NEBL: variants seen among roughly 807,000 people sequenced by gnomAD.
NEBL encodes nebulette.
Under a neutral mutation model 140.2 loss-of-function variants are expected in NEBL, and 122 were observed. The ratio of observed to expected loss-of-function variants is 0.87; its 90% CI spans 0.75 to 1.01. The LOEUF is 1.01. Among genes scored for constraint, NEBL ranks in the 50% least tolerant of loss-of-function variants. The pLI is 0.00. For synonymous variants in NEBL, 436 were observed against 398.9 expected, an observed-to-expected ratio of 1.09 and a Z score of -1.11; for missense variants, 1,365 against 1,231.3, an observed-to-expected ratio of 1.11 and a Z score of -1.62.
rs887668977 is a variant in NEBL, at chr10:20,954,879, A to G, written c.357+6793T>C. Among the ~76,000 whole-genome samples, 3 of 152,212 alleles carry G rather than the reference A, an allele frequency of 2.0e-5. No homozygotes were observed. In the East Asian group the frequency reaches 5.8e-4, roughly 29 times the overall value. On this transcript the variant is annotated intron_variant, in intron 4 of 6. Transcript: ENST00000417816. ...AGGTATGAAGGGACTTGCAGGCAGA[A>G]GTGTGAAATGGATGGGTTCAGATTG...
intron 2 of NEBL, among the ~76,000 whole-genome samples, chr10:21,105,066 G>A (rs562663737): frequency 3.3e-4 from 50 of 152,234 alleles, no homozygotes; most frequent in African/African-American, 1.1e-3. Context: ...ATTCTTGGAA[G>A]AAACCCCACT....
chr10:21,036,938 T>C (rs1564488736), intron 2 of NEBL, among the ~76,000 whole-genome samples: 1 of 152,070 alleles, frequency 6.6e-6, no homozygotes, highest in Non-Finnish European at 1.5e-5. Flanking sequence ...CCTCCTTGCT[T>C]TTGTTTGTTT....
At chr10:21,160,584 C>T (rs760913989) in intron 2 of NEBL, among the ~76,000 whole-genome samples, 3 of 143,480 alleles carry the variant, frequency 2.1e-5, no homozygotes, top group African/African-American at 5.2e-5. Context: ...CAGAGAACTA[C>T]GTCACTGGCA....
intron 4 of NEBL, among the ~76,000 whole-genome samples, chr10:20,884,940 C>A (rs1457406508): frequency 1.3e-5 from 2 of 152,234 alleles, no homozygotes; most frequent in Non-Finnish European, 2.9e-5. Context: ...CCTAAAAACT[C>A]TACATCTCTC....
At chr10:20,817,344 G>A (rs1342196694) in intron 21 of NEBL, among the ~76,000 whole-genome samples, 3 of 152,158 alleles carry the variant, frequency 2.0e-5, no homozygotes, top group Non-Finnish European at 4.4e-5. Flanking sequence ...TCCAGTCTGG[G>A]TGACAGAGCA....
intron 3 of NEBL, among the ~76,000 whole-genome samples, chr10:20,988,176 T>G (rs889917163): frequency 6.6e-6 from 1 of 152,146 alleles, no homozygotes; most frequent in African/African-American, 2.4e-5. Context: ...AGGCCCAGTG[T>G]GGTACAGAAA....
chr10:21,211,853 T>C (rs1483276251), intron 3 of NEBL, among the ~76,000 whole-genome samples: 2 of 152,192 alleles, frequency 1.3e-5, no homozygotes, highest in African/African-American at 4.8e-5. Flanking sequence ...CATTCTCCAA[T>C]GGTAATTGGA....
intron 5 of NEBL, among the ~76,000 whole-genome samples, chr10:20,873,907 T>G (rs1007173743): frequency 6.6e-6 from 1 of 152,238 alleles, no homozygotes; most frequent in African/African-American, 2.4e-5. Context: ...TATTTTATTA[T>G]AACTTTAAAT....
intron 4 of NEBL, among the ~76,000 whole-genome samples, chr10:20,903,402 T>C (rs977296226): frequency 2.0e-5 from 3 of 152,148 alleles, no homozygotes; most frequent in Non-Finnish European, 4.4e-5. Context: ...AGGGAACACT[T>C]ATACACTGCT....
At position 21,169,061 on chromosome 10, in the gene NEBL, AAAAAAAATATATATAT is replaced by A. The variant is rs1282348642; in HGVS notation, c.164+3306_164+3321del. ...GAGACTCCGTCTACAAAAAAAAAAA[AAAAAAAATATATATAT>A]ATATATATATATATATATATATATA... is the stretch of plus-strand genomic sequence containing the variant. On this transcript the variant is annotated intron_variant, in intron 2 of 6. Coordinates refer to the NEBL transcript ENST00000417816. Among the ~76,000 whole-genome samples, 49 of 41,746 alleles carry A rather than the reference AAAAAAAATATATATAT, an allele frequency of 1.2e-3. 1 individual carries two copies. Among genetic ancestry groups the A allele is most frequent in the African/African-American group, 3.6e-3 (49 of 13,558 alleles). 27.4% of individuals were successfully genotyped at this position (41,746 alleles called of 152,430 possible). A position where few individuals can be genotyped will look rare whatever the true frequency, so the allele number is the denominator to read the frequency against.
intron 2 of NEBL, among the ~76,000 whole-genome samples, chr10:21,036,237 G>T (rs907270860): frequency 1.3e-5 from 2 of 152,128 alleles, no homozygotes; most frequent in Non-Finnish European, 2.9e-5. Flanking sequence ...GAGGCAGGAG[G>T]ATTGCTTGAT....
intron 3 of NEBL, among the ~76,000 whole-genome samples, chr10:21,016,521 G>A (rs1337668178): frequency 2.0e-5 from 3 of 152,170 alleles, no homozygotes; most frequent in Non-Finnish European, 2.9e-5. Context: ...TTTCTAGATT[G>A]AATTGGAAAA....
rs372102618 is a variant in NEBL at position 21,270,243 on chromosome 10, C to G, written n.183-18415G>C. Among the ~76,000 whole-genome samples, 425 of 152,260 alleles carry G rather than the reference C, an allele frequency of 2.8e-3. 1 individual carries two copies. The highest frequency in any genetic ancestry group is 9.8e-3 in the African/African-American group (409 of 41,558). On this transcript the variant is annotated intron_variant and non_coding_transcript_variant, in intron 1 of 8. Transcript: ENST00000675702. ...TTGTGCTAAATTACTCAGAAATTAT[C>G]GTAAACCACAGAAGTTTCTTCTATT...
chr10:21,150,070 C>G (rs959295827), intron 2 of NEBL, among the ~76,000 whole-genome samples: 5 of 152,108 alleles, frequency 3.3e-5, no homozygotes, highest in African/African-American at 1.2e-4. Context: ...GACTTCTAAA[C>G]TAAATAAAGG....
intron 1 of NEBL, among the ~76,000 whole-genome samples, chr10:21,292,254 C>T (rs906632303): frequency 6.6e-6 from 1 of 152,172 alleles, no homozygotes; most frequent in African/African-American, 2.4e-5. Context: ...CCCAAGATCA[C>T]GTTTTAATTA....
chr10:20,875,880 G>C (rs1476395398), intron 5 of NEBL, among the ~76,000 whole-genome samples: 1 of 152,182 alleles, frequency 6.6e-6, no homozygotes, highest in Non-Finnish European at 1.5e-5. Context: ...TTTTAAGTTT[G>C]TGGAACAGAG....
At chr10:20,850,292 C>A (rs948461935) in intron 11 of NEBL, 103 bp downstream of exon 11, 3 of 947,818 alleles carry the variant, frequency 3.2e-6, no homozygotes, top group Non-Finnish European at 5.1e-6. Flanking sequence ...AATCTGCCCA[C>A]AGCAGCACTC....
rs530302895 is a variant in NEBL, at chr10:20,978,074, C to T, written c.250-16295G>A. Among the ~76,000 whole-genome samples the T allele has an allele frequency of 7.9e-5, 12 of 152,240 alleles. No homozygotes were observed. The South Asian group carries it at 8.3e-4, about 11-fold the overall frequency. On this transcript the variant is annotated intron_variant, in intron 3 of 6. Coordinates refer to the NEBL transcript ENST00000417816. The stretch of plus-strand genomic sequence containing the variant: ...TTATTTAAATGCTCTGGGCTCCTAA[C>T]GCTTCAGGAAATACTGCAGAAGAAA...
At position 20,848,184 on chromosome 10, in the gene NEBL, G is replaced by T. The variant is rs76177254; in HGVS notation, c.1116+2211C>A. 2.3e-3 allele frequency among the ~76,000 whole-genome samples: 349 copies of T among 152,220 alleles called. 12 individuals are homozygous for T. In the East Asian group the frequency reaches 0.053, roughly 23 times the overall value. ...CCAAAAAGTGCTGCTGCAGAAAAAA[G>T]TGCTGCTGCAGTGGAAGATAGTAAA... On this transcript the variant is annotated intron_variant, in intron 11 of 27. Transcript: ENST00000377122.
Sources: allele counts gnomAD v4.1 joint callset (sites outside exome capture counted in the v4.1 genomes callset), GRCh38; gene constraint gnomAD v4.1.1; transcripts MANE v1.5; gene names NCBI Gene and HGNC (gene_info 2026-07-23, HGNC 2026-07-21).